The following KCNQ3 variants were observed in gnomAD, a reference collection of about 807,000 sequenced individuals.
KCNQ3 encodes potassium voltage-gated channel subfamily KQT member 3.
A neutral mutation model predicts 92.5 loss-of-function variants in KCNQ3; 30 were observed. The ratio of observed to expected loss-of-function variants is 0.32; its 90% CI spans 0.24 to 0.44. The LOEUF is 0.44. Ranked by LOEUF, KCNQ3 falls within the 20% of genes least tolerant of loss-of-function variation. The pLI is 1.00. For missense variants in KCNQ3, 913 were observed against 1,140.3 expected, an observed-to-expected ratio of 0.80 and a Z score of 2.87; for synonymous variants, 450 against 468.8, an observed-to-expected ratio of 0.96 and a Z score of 0.52.
intron 1 of KCNQ3, among the ~76,000 whole-genome samples, chr8:132,321,878 C>T (rs1000803423): frequency 1.3e-5 from 2 of 152,232 alleles, no homozygotes; most frequent in African/African-American, 4.8e-5. Flanking sequence ...CCCACCTGTA[C>T]TGGCCGGGCC....
At chr8:132,146,204 T>C (rs1042446442) in intron 9 of KCNQ3, among the ~76,000 whole-genome samples, 1 of 152,286 alleles carries the variant, frequency 6.6e-6, no homozygotes, top group African/African-American at 2.4e-5. Flanking sequence ...TGCAGCATTA[T>C]TCACAACAGC....
chr8:132,148,952 T>C (rs1825548544), intron 9 of KCNQ3, among the ~76,000 whole-genome samples: 5 of 152,254 alleles, frequency 3.3e-5, no homozygotes, highest in Admixed American at 6.5e-5. Flanking sequence ...CCAATTCCTA[T>C]AATAAATCTC....
chr8:132,480,428 C>A lies in KCNQ3; in HGVS notation c.105G>T (p.Ala35=), dbSNP rs773623235. 5.5e-6 allele frequency: 8 copies of A among 1,465,200 alleles called. No homozygotes were observed. The highest frequency in any genetic ancestry group is 9.0e-7 in the Non-Finnish European group (1 of 1,112,048). The allele number at this position is 1,465,200 out of a possible 1,614,324, so 90.8% of individuals were successfully genotyped here. ...CCACTTTCCGCTCCTCGTCGCCGGC[C>A]GCCGCCGCGTCCCCTCCGGCTGGGT... ...AANPAGGDAA[A]AGDEERKVGL... The change falls in exon 1 of 15, where the codon GCG becomes GCT. Residue 35 remains alanine (A), a synonymous_variant. Coordinates refer to ENST00000388996, the MANE Select transcript of KCNQ3 (RefSeq NM_004519.4).
At chr8:132,201,160 CT>C (rs1827446176) in intron 1 of KCNQ3, among the ~76,000 whole-genome samples, 3 of 152,314 alleles carry the variant, frequency 2.0e-5, no homozygotes, top group African/African-American at 7.2e-5. Context: ...CAGAGCCGCC[CT>C]GACCTCATCA....
chr8:132,327,120 G>T (rs1000703449), intron 1 of KCNQ3, among the ~76,000 whole-genome samples: 8 of 152,140 alleles, frequency 5.3e-5, no homozygotes, highest in Non-Finnish European at 1.2e-4. Context: ...CTGTCTATGT[G>T]CAAGGCATGG....
intron 1 of KCNQ3, among the ~76,000 whole-genome samples, chr8:132,250,359 A>G (rs530750711): frequency 6.6e-6 from 1 of 152,348 alleles, no homozygotes; most frequent in African/African-American, 2.4e-5. Context: ...AAGGGTCTTC[A>G]GCAATTCTTT....
rs528428193 is a variant in KCNQ3 at position 132,462,347 on chromosome 8, G to A, written c.386+17800C>T. Among the ~76,000 whole-genome samples, 9 of 152,022 alleles carry A rather than the reference G, an allele frequency of 5.9e-5. No individual in the cohort carries two copies. In the South Asian group the frequency reaches 1.5e-3, roughly 25 times the overall value. On this transcript the variant is annotated intron_variant, in intron 1 of 14. Coordinates refer to ENST00000388996, the MANE Select transcript of KCNQ3 (RefSeq NM_004519.4). ...TGGGATTACAGGTGCCCACCACCACGCCAGGCTAATTTTTGTATTTTCAGT... is the reference window on the plus strand; with the variant it reads ...TGGGATTACAGGTGCCCACCACCACACCAGGCTAATTTTTGTATTTTCAGT...
chr8:132,431,036 C>T (rs1317291250), intron 1 of KCNQ3, among the ~76,000 whole-genome samples: 2 of 152,126 alleles, frequency 1.3e-5, no homozygotes, highest in Non-Finnish European at 2.9e-5. Context: ...AATCCCCTGG[C>T]TTTGTGTCTA....
At chr8:132,132,057 C>T (rs1824899864) in intron 14 of KCNQ3, 123 bp downstream of exon 14, 1 of 723,614 alleles carries the variant, frequency 1.4e-6, no homozygotes, top group Non-Finnish European at 2.4e-6. Context: ...CATTGCACTC[C>T]AGCCTGGGCA....
intron 9 of KCNQ3, among the ~76,000 whole-genome samples, chr8:132,160,042 GC>G (rs1355391340): frequency 6.6e-6 from 1 of 152,168 alleles, no homozygotes; most frequent in Admixed American, 6.5e-5. Flanking sequence ...TATATAACAG[GC>G]AATCATCATA....
At chr8:132,265,725 T>C (rs1314813524) in intron 1 of KCNQ3, among the ~76,000 whole-genome samples, 1 of 152,212 alleles carries the variant, frequency 6.6e-6, no homozygotes, top group Admixed American at 6.5e-5. Context: ...CTACCACTCA[T>C]ATAGAACTAA....
intron 1 of KCNQ3, among the ~76,000 whole-genome samples, chr8:132,243,389 G>A (rs937749992): frequency 6.6e-6 from 1 of 152,212 alleles, no homozygotes; most frequent in Non-Finnish European, 1.5e-5. Context: ...GGAGGTGACA[G>A]GTGACTCTCG....
At chr8:132,135,136 C>T (rs80055084) in intron 12 of KCNQ3, among the ~76,000 whole-genome samples, 2,993 of 152,314 alleles carry the variant, frequency 0.02, 122 homozygotes, top group African/African-American at 0.069. Flanking sequence ...AAGTTCCTAA[C>T]ATTTAGCTAC....
intron 1 of KCNQ3, among the ~76,000 whole-genome samples, chr8:132,187,939 G>C (rs62519610): frequency 3.6e-5 from 5 of 137,866 alleles, no homozygotes; most frequent in African/African-American, 1.1e-4. Flanking sequence ...AGTGATGGTG[G>C]TGGTGGTGGT....
intron 9 of KCNQ3, among the ~76,000 whole-genome samples, chr8:132,144,922 C>T (rs955744259): frequency 1.3e-5 from 2 of 152,158 alleles, no homozygotes; most frequent in South Asian, 2.1e-4. Context: ...CCATGGCACT[C>T]GGCCACTACA....
intron 1 of KCNQ3, among the ~76,000 whole-genome samples, chr8:132,460,805 C>G (rs79935129): frequency 6.6e-6 from 1 of 152,296 alleles, no homozygotes; most frequent in East Asian, 1.9e-4. Flanking sequence ...GACGAATGCA[C>G]TAAGTCATGT....
chr8:132,412,271 A>G (rs931398076), intron 1 of KCNQ3, among the ~76,000 whole-genome samples: 1 of 150,292 alleles, frequency 6.7e-6, no homozygotes, highest in Admixed American at 6.6e-5. Context: ...AGCTCCCCCC[A>G]CCCGCCGGCC....
chr8:132,284,569 G>A (rs1816624988), intron 1 of KCNQ3, among the ~76,000 whole-genome samples: 1 of 151,982 alleles, frequency 6.6e-6, no homozygotes, highest in Non-Finnish European at 1.5e-5. Flanking sequence ...TCAGTTGCTC[G>A]GGTTACCAGC....
At chr8:132,195,997 A>G (rs1279869410) in intron 1 of KCNQ3, among the ~76,000 whole-genome samples, 1 of 152,196 alleles carries the variant, frequency 6.6e-6, no homozygotes, top group East Asian at 1.9e-4. Context: ...CATACCTAAT[A>G]TGCACCTAAT....
Sources: gnomAD v4.1 joint callset for allele counts (sites outside exome capture counted in the v4.1 genomes callset) on GRCh38, gnomAD v4.1.1 for gene constraint, MANE v1.5 for transcripts, NCBI Gene and HGNC (gene_info 2026-07-23, HGNC 2026-07-21) for gene names.